Variants in MTCH2 observed in about 807,000 individuals in gnomAD.
MTCH2 encodes the protein mitochondrial carrier 2.
MTCH2 carries 25 observed loss-of-function variants against 50.6 expected under a neutral mutation model. The observed-to-expected ratio is 0.49, with a 90% confidence interval of 0.36 to 0.69. The LOEUF (loss-of-function observed/expected upper bound fraction) is 0.69, where lower values mean the gene tolerates loss of function less well. MTCH2 is among the 30% of genes least tolerant of loss of function. The pLI is 0.00. For synonymous variants in MTCH2, 106 were observed against 132.0 expected (o/e 0.80, Z 1.35); for missense variants, 273 against 384.4 (o/e 0.71, Z 2.42).
intron 1 of MTCH2, among the ~76,000 whole-genome samples, chr11:47,639,620 C>A (rs1296760790): frequency 1.3e-5 from 2 of 152,158 alleles, no homozygotes; most frequent in Non-Finnish European, 2.9e-5. Flanking sequence ...GGATGGATCA[C>A]CTGAGGTCAG....
Position 47,618,800 on chromosome 11 carries a change from C to A in MTCH2, c.*33G>T. 6.3e-7 allele frequency: 1 copy of A among 1,582,440 alleles called. No individual in the cohort carries two copies. Among genetic ancestry groups the A allele is most frequent in the Non-Finnish European group, 8.7e-7 (1 of 1,151,080 alleles). On this transcript the variant is annotated 3_prime_UTR_variant, in exon 13 of 13. Coordinates refer to ENST00000302503, the MANE Select transcript of MTCH2 (RefSeq NM_014342.4). ...CTCCCATAATTCTGTGCATCTGGGA[C>A]TACAGAAATGTCACTGTCCCTGCCC...
the MTCH2 span, among the ~76,000 whole-genome samples, chr11:47,606,844 T>C: frequency 1.3e-5 from 2 of 152,200 alleles, no homozygotes; most frequent in South Asian, 2.1e-4. Flanking sequence ...GAAACTGTCA[T>C]TGATGAATGT....
chr11:47,636,409 G>A (rs1440221812), intron 3 of MTCH2, among the ~76,000 whole-genome samples: 1 of 151,738 alleles, frequency 6.6e-6, no homozygotes, highest in Non-Finnish European at 1.5e-5. Context: ...ACTCCAGCCT[G>A]GGCAACAGAG....
intron 5 of MTCH2, among the ~76,000 whole-genome samples, chr11:47,633,266 T>A (rs1049007643): frequency 6.6e-6 from 1 of 150,458 alleles, no homozygotes; most frequent in South Asian, 2.1e-4. Flanking sequence ...CCTGCCACCA[T>A]GCCCAGCTAA....
rs1354332146 is a variant in MTCH2 at position 47,618,524 on chromosome 11, G to A, written c.*309C>T. 9.6e-6 allele frequency: 3 copies of A among 311,838 alleles called. No homozygotes were observed. The highest frequency in any genetic ancestry group is 1.2e-5 in the Non-Finnish European group (2 of 167,832). The allele number at this position is 311,838 out of a possible 1,614,324, so 19.3% of individuals were successfully genotyped here. On this transcript the variant is annotated 3_prime_UTR_variant, in exon 13 of 13. Transcript: ENST00000302503. ...TCTTCATTTTACAAAGCCTTAAATT[G>A]AGACTCAAAAATCACATGACAAAGT... is the stretch of plus-strand genomic sequence containing the variant.
chr11:47,630,411 A>C, intron 8 of MTCH2, 144 bp downstream of exon 8: 2 of 700,382 alleles, frequency 2.9e-6, no homozygotes, highest in Non-Finnish European at 4.8e-6. Context: ...AAGAAAAAAA[A>C]ATAAGGGGCC....
chr11:47,616,682 CTT>C (rs1313533322), downstream of MTCH2, among the ~76,000 whole-genome samples: 8 of 137,502 alleles, frequency 5.8e-5, no homozygotes, highest in Admixed American at 1.5e-4. Flanking sequence ...CTTTTTTTTT[CTT>C]TTTTTTTTTT....
chr11:47,633,819 G>A (rs2097305979), intron 5 of MTCH2, among the ~76,000 whole-genome samples: 1 of 151,680 alleles, frequency 6.6e-6, no homozygotes, highest in East Asian at 2.0e-4. Flanking sequence ...TTACAGGCAT[G>A]AGCCACTGCG....
downstream of MTCH2, among the ~76,000 whole-genome samples, chr11:47,614,585 G>A (rs1377868263): frequency 3.9e-5 from 6 of 152,058 alleles, no homozygotes; most frequent in Non-Finnish European, 2.9e-5. Context: ...TCCTGCCTCA[G>A]CCTCTTTTTT....
At chr11:47,619,032 G>C (rs1293699628) in intron 12 of MTCH2, 113 bp from the exon 13 acceptor site, 6 of 873,272 alleles carry the variant, frequency 6.9e-6, no homozygotes, top group African/African-American at 1.6e-5. Flanking sequence ...GGACAAAACT[G>C]GGACTATCAC....
At chr11:47,636,390 C>T (rs964150406) in intron 3 of MTCH2, among the ~76,000 whole-genome samples, 2 of 150,844 alleles carry the variant, frequency 1.3e-5, no homozygotes, top group African/African-American at 4.9e-5. Context: ...GCTGAGATCA[C>T]ATCACTGCAC....
chr11:47,630,517 C>A, intron 8 of MTCH2, 38 bp downstream of exon 8: 1 of 1,540,000 alleles, frequency 6.5e-7, no homozygotes, highest in Non-Finnish European at 9.0e-7. Context: ...ACGTTTCCCA[C>A]TCATGCAAAA....
At chr11:47,626,584 T>A (rs752026459) in intron 10 of MTCH2, among the ~76,000 whole-genome samples, 11 of 152,094 alleles carry the variant, frequency 7.2e-5, no homozygotes, top group Non-Finnish European at 8.8e-5. Context: ...TTTTCACATG[T>A]GAGTCTGTGG....
intron 6 of MTCH2, among the ~76,000 whole-genome samples, chr11:47,631,404 C>T (rs1032799144): frequency 2.0e-5 from 3 of 151,678 alleles, no homozygotes; most frequent in Non-Finnish European, 2.9e-5. Flanking sequence ...AGTGAAACTC[C>T]GTCTCAAAAA....
chr11:47,619,733 G>T (rs1469957634), intron 12 of MTCH2, among the ~76,000 whole-genome samples: 1 of 152,016 alleles, frequency 6.6e-6, no homozygotes, highest in African/African-American at 2.4e-5. Context: ...TTGAGCTCAG[G>T]AATTTGAGAC....
chr11:47,610,401 T>C, the MTCH2 span, among the ~76,000 whole-genome samples: 3 of 152,162 alleles, frequency 2.0e-5, no homozygotes, highest in African/African-American at 4.8e-5. Context: ...ATGCCAGACA[T>C]GGTACTAAAT....
intron 8 of MTCH2, among the ~76,000 whole-genome samples, chr11:47,629,527 T>C (rs1012235992): frequency 3.9e-5 from 6 of 152,092 alleles, no homozygotes; most frequent in Non-Finnish European, 8.8e-5. Flanking sequence ...CTGGGTGACC[T>C]AGGTGAGGCA....
At chr11:47,619,995 T>C (rs894725409) in intron 12 of MTCH2, among the ~76,000 whole-genome samples, 3 of 152,170 alleles carry the variant, frequency 2.0e-5, no homozygotes, top group African/African-American at 7.2e-5. Flanking sequence ...GGGAATTGCT[T>C]GAACCTGGGA....
chr11:47,637,058 C>T (rs2097309397), intron 3 of MTCH2, among the ~76,000 whole-genome samples: 1 of 150,896 alleles, frequency 6.6e-6, no homozygotes, highest in South Asian at 2.1e-4. Context: ...GGTTCAATCT[C>T]AGCTCACTAC....
Sources: gnomAD v4.1 joint callset for allele counts (sites outside exome capture counted in the v4.1 genomes callset) on GRCh38, gnomAD v4.1.1 for gene constraint, MANE v1.5 for transcripts, NCBI Gene and HGNC (gene_info 2026-07-23, HGNC 2026-07-21) for gene names.